Variants in UBE2G1 observed in about 807,000 individuals in gnomAD.
UBE2G1 encodes the protein ubiquitin conjugating enzyme E2 G1.
UBE2G1 carries 5 observed loss-of-function variants against 22.7 expected under a neutral mutation model. The ratio of observed to expected loss-of-function variants is 0.22; its 90% CI spans 0.12 to 0.46. The LOEUF is 0.46. Among genes scored for constraint, UBE2G1 ranks in the 20% least tolerant of loss-of-function variants. UBE2G1 has a pLI of 0.99. For synonymous variants in UBE2G1, 74 were observed against 67.5 expected, an observed-to-expected ratio of 1.10 and a Z score of -0.47; for missense variants, 88 against 203.9, an observed-to-expected ratio of 0.43 and a Z score of 3.46.
intron 1 of UBE2G1, among the ~76,000 whole-genome samples, chr17:4,315,979 T>A (rs559236131): frequency 2.7e-4 from 41 of 150,830 alleles, no homozygotes; most frequent in South Asian, 6.3e-4. Flanking sequence ...GGCTAATTTT[T>A]TATATATATA....
chr17:4,321,598 T>C (rs1460586534), intron 1 of UBE2G1, among the ~76,000 whole-genome samples: 1 of 152,090 alleles, frequency 6.6e-6, no homozygotes, highest in Non-Finnish European at 1.5e-5. Flanking sequence ...GCTCAAGCAA[T>C]CCTCCCACCT....
chr17:4,286,343 T>C (rs1968963077), intron 4 of UBE2G1, among the ~76,000 whole-genome samples: 1 of 151,078 alleles, frequency 6.6e-6, no homozygotes, highest in African/African-American at 2.4e-5. Context: ...AGGTGGAGGT[T>C]GCAGTGAGCT....
At chr17:4,314,945 CT>C (rs1369295686) in intron 1 of UBE2G1, among the ~76,000 whole-genome samples, 1 of 152,178 alleles carries the variant, frequency 6.6e-6, no homozygotes, top group African/African-American at 2.4e-5. Context: ...TGAATTCAAA[CT>C]TTTTTTAAAT....
At chr17:4,311,116 C>T (rs1341876526) in intron 1 of UBE2G1, among the ~76,000 whole-genome samples, 1 of 152,114 alleles carries the variant, frequency 6.6e-6, no homozygotes, top group African/African-American at 2.4e-5. Context: ...GTCCCAGCTA[C>T]TCGGGGAGGC....
chr17:4,347,261 G>C (rs1969788412), intron 1 of UBE2G1, among the ~76,000 whole-genome samples: 1 of 152,040 alleles, frequency 6.6e-6, no homozygotes. Flanking sequence ...CACATAATGA[G>C]ACATCCTGGA....
intron 2 of UBE2G1, chr17:4,302,147 T>A: frequency 1.9e-6 from 1 of 518,756 alleles, no homozygotes; most frequent in Admixed American, 2.1e-5. Flanking sequence ...CCATGTTCCC[T>A]TTTATTGGAC....
At chr17:4,336,532 C>CA (rs1567526518) in intron 1 of UBE2G1, among the ~76,000 whole-genome samples, 4 of 151,874 alleles carry the variant, frequency 2.6e-5, no homozygotes, top group Admixed American at 6.6e-5. Flanking sequence ...ATAGTTACAA[C>CA]AAAAACTTTT....
At chr17:4,331,231 TAAGAA>T (rs1440281609) in intron 1 of UBE2G1, among the ~76,000 whole-genome samples, 1 of 152,128 alleles carries the variant, frequency 6.6e-6, no homozygotes, top group African/African-American at 2.4e-5. Context: ...TTTCCTTAAC[TAAGAA>T]ATGACCAGAA....
At chr17:4,352,266 G>A (rs1969854003) in intron 1 of UBE2G1, among the ~76,000 whole-genome samples, 1 of 152,108 alleles carries the variant, frequency 6.6e-6, no homozygotes, top group South Asian at 2.1e-4. Flanking sequence ...GTCTTGCTGT[G>A]TCAACCAGGC....
intron 1 of UBE2G1, among the ~76,000 whole-genome samples, chr17:4,348,183 A>G (rs1038055099): frequency 1.3e-5 from 2 of 151,782 alleles, no homozygotes; most frequent in African/African-American, 4.8e-5. Context: ...ACCTAAGCCC[A>G]GGAGGCTGAG....
chr17:4,363,891 G>A, intron 1 of UBE2G1, among the ~76,000 whole-genome samples: 1 of 143,340 alleles, frequency 7.0e-6, no homozygotes, highest in East Asian at 2.1e-4. Flanking sequence ...GGCGGAGCTT[G>A]CAGTGAGCCG....
chr17:4,360,540 A>T (rs554335870), intron 1 of UBE2G1, among the ~76,000 whole-genome samples: 1 of 152,386 alleles, frequency 6.6e-6, no homozygotes, highest in African/African-American at 2.4e-5. Context: ...GATCCACTCT[A>T]TTAAATAATG....
chr17:4,362,678 T>C (rs1435953137), intron 1 of UBE2G1, among the ~76,000 whole-genome samples: 1 of 152,196 alleles, frequency 6.6e-6, no homozygotes, highest in Non-Finnish European at 1.5e-5. Flanking sequence ...GTAGCCATTG[T>C]TGTTTTAAGT....
At chr17:4,295,990 G>A (rs965193500) in intron 3 of UBE2G1, among the ~76,000 whole-genome samples, 2 of 149,544 alleles carry the variant, frequency 1.3e-5, no homozygotes, top group Non-Finnish European at 3.0e-5. Flanking sequence ...GACACTGCCA[G>A]TAATCTTACA....
chr17:4,282,943 T>C (rs560115492), intron 4 of UBE2G1, 22 bp from the exon 5 acceptor site: 48 of 1,583,562 alleles, frequency 3.0e-5, no homozygotes, highest in East Asian at 1.6e-4. Context: ...AAAAGCAGTA[T>C]CAAGTGATTT....
intron 1 of UBE2G1, among the ~76,000 whole-genome samples, chr17:4,318,756 G>A (rs1352340391): frequency 6.6e-6 from 1 of 152,002 alleles, no homozygotes; most frequent in Non-Finnish European, 1.5e-5. Context: ...CACATTATAC[G>A]GGGCAAAAAA....
intron 5 of UBE2G1, among the ~76,000 whole-genome samples, chr17:4,275,096 C>T (rs1968806516): frequency 6.6e-6 from 1 of 151,928 alleles, no homozygotes; most frequent in Admixed American, 6.6e-5. Flanking sequence ...AGCAAGACTC[C>T]CGTCTTAAAA....
chr17:4,326,833 A>C (rs1434446880), intron 1 of UBE2G1, among the ~76,000 whole-genome samples: 1 of 152,262 alleles, frequency 6.6e-6, no homozygotes, highest in African/African-American at 2.4e-5. Context: ...TAAGCCAGAT[A>C]CAAAAGGATA....
chr17:4,293,198 G>C (rs1439245578), intron 3 of UBE2G1, among the ~76,000 whole-genome samples: 2 of 151,988 alleles, frequency 1.3e-5, no homozygotes, highest in African/African-American at 4.8e-5. Flanking sequence ...CTATGGATTT[G>C]TCTATTCTTG....
Sources: gnomAD v4.1 joint callset for allele counts (sites outside exome capture counted in the v4.1 genomes callset) on GRCh38, gnomAD v4.1.1 for gene constraint, MANE v1.5 for transcripts, NCBI Gene and HGNC (gene_info 2026-07-23, HGNC 2026-07-21) for gene names.